LIMCH1: variants seen among roughly 807,000 people sequenced by gnomAD.
The protein encoded by LIMCH1 is LIM and calponin homology domains-containing protein 1.
In LIMCH1, 113 loss-of-function variants were observed where a neutral mutation model predicts 176.5. The observed-to-expected ratio is 0.64, with a 90% CI of 0.55 to 0.75. The LOEUF is 0.75. Ranked by LOEUF, LIMCH1 falls within the 30% of genes least tolerant of loss-of-function variation. LIMCH1 has a pLI of 0.00. For synonymous variants in LIMCH1, 619 were observed against 645.9 expected (o/e 0.96, Z 0.63); for missense variants, 1,674 against 1,814.9 (o/e 0.92, Z 1.41).
chr4:41,553,626 A>G (rs1236233300), intron 1 of LIMCH1, among the ~76,000 whole-genome samples: 1 of 152,050 alleles, frequency 6.6e-6, no homozygotes, highest in Non-Finnish European at 1.5e-5. Flanking sequence ...ATGGTGATTA[A>G]AAGAAAGTGG....
At chr4:41,580,449 A>G (rs906405651) in intron 1 of LIMCH1, among the ~76,000 whole-genome samples, 13 of 152,206 alleles carry the variant, frequency 8.5e-5, no homozygotes, top group Non-Finnish European at 1.6e-4. Context: ...AAAGAAAACC[A>G]AAGAAAATAT....
chr4:41,681,446 C>T (rs1044564790), intron 25 of LIMCH1, among the ~76,000 whole-genome samples: 3 of 152,180 alleles, frequency 2.0e-5, no homozygotes, highest in Admixed American at 6.5e-5. Context: ...ACTATACATT[C>T]TTTTCCATTG....
chr4:41,546,302 C>A (rs2079384019), intron 1 of LIMCH1, among the ~76,000 whole-genome samples: 2 of 152,050 alleles, frequency 1.3e-5, no homozygotes, highest in Admixed American at 6.6e-5. Context: ...CCATGCCCAA[C>A]TAATTTTTGT....
chr4:41,421,595 GAC>G (rs1271879246), intron 1 of LIMCH1, among the ~76,000 whole-genome samples: 1 of 152,112 alleles, frequency 6.6e-6, no homozygotes, highest in Non-Finnish European at 1.5e-5. Context: ...GTTTTGCAAT[GAC>G]CTGATGTTAC....
intron 13 of LIMCH1, among the ~76,000 whole-genome samples, chr4:41,635,774 G>A (rs907020392): frequency 2.6e-5 from 4 of 152,142 alleles, no homozygotes; most frequent in Non-Finnish European, 5.9e-5. Context: ...TTAAGCTAAC[G>A]CTAGTTCATG....
In LIMCH1 at chr4:41,632,808, CG is replaced by C. The variant is rs1435931381; in HGVS notation, c.1663del (p.Glu555SerfsTer76). 6.5e-7 allele frequency: 1 copy of C among 1,536,064 alleles called. No individual in the cohort carries two copies. The highest frequency in any genetic ancestry group is 8.7e-7 in the Non-Finnish European group (1 of 1,146,922). ...CRRASWLAPVPESQEEWVCSL... is the reference protein window; with the variant it reads ...CRRASWLAPVXESQEEWVCSL... ...AGGGCCTCGTGGCTGGCTCCTGTGC[CG>C]GAGTCTCAGGAAGAGTGGGTCTGCA... is the stretch of plus-strand genomic sequence containing the variant. On this transcript the variant is annotated frameshift_variant, in exon 11 of 32. Coordinates refer to ENST00000503057, the MANE Select transcript of LIMCH1 (RefSeq NM_001330672.2). LOFTEE classifies it high-confidence loss of function.
At chr4:41,407,160 G>A (rs549407622) in intron 1 of LIMCH1, among the ~76,000 whole-genome samples, 19 of 151,892 alleles carry the variant, frequency 1.3e-4, no homozygotes, top group Admixed American at 1.2e-3. Context: ...CCTCGTGTTT[G>A]TTCTTGGGAT....
chr4:41,545,811 A>C (rs2079295034), intron 1 of LIMCH1, among the ~76,000 whole-genome samples: 1 of 152,228 alleles, frequency 6.6e-6, no homozygotes, highest in Non-Finnish European at 1.5e-5. Flanking sequence ...GTTGGAAGTC[A>C]AAATATTAAT....
rs190325878 is a variant in LIMCH1 at position 41,590,226 on chromosome 4, G to A, written c.-240-8694G>A. 3.4e-3 allele frequency among the ~76,000 whole-genome samples: 516 copies of A among 152,054 alleles called. 4 individuals are homozygous for A. The highest frequency in any genetic ancestry group is 0.012 in the African/African-American group (481 of 41,480). On this transcript the variant is annotated intron_variant, in intron 1 of 31. Coordinates refer to ENST00000503057, the MANE Select transcript of LIMCH1 (RefSeq NM_001330672.2). The stretch of plus-strand genomic sequence containing the variant: ...TCCCATCTCAGCCTCCCGAGTAGTT[G>A]GGTCTAAGGTGCGCACCACCAGGCC...
chr4:41,537,554 T>C (rs1354558979), upstream of LIMCH1, among the ~76,000 whole-genome samples: 2 of 152,178 alleles, frequency 1.3e-5, no homozygotes, highest in African/African-American at 4.8e-5. Flanking sequence ...AATGCCTCCA[T>C]TTAAATTCAA....
upstream of LIMCH1, chr4:41,360,778 C>T: frequency 7.6e-7 from 1 of 1,315,856 alleles, no homozygotes. The surrounding 1 kb of genome is among the most constrained non-coding windows in gnomAD (Gnocchi z 4.5). Context: ...GAGCGCGCTC[C>T]TGCGGCGGCG....
At chr4:41,429,958 T>A (rs962292027) in intron 1 of LIMCH1, among the ~76,000 whole-genome samples, 1 of 152,140 alleles carries the variant, frequency 6.6e-6, no homozygotes, top group African/African-American at 2.4e-5. Context: ...CATTGGCCAG[T>A]CAATGAAAGG....
At chr4:41,430,828 T>G (rs2061543786) in intron 1 of LIMCH1, among the ~76,000 whole-genome samples, 1 of 152,216 alleles carries the variant, frequency 6.6e-6, no homozygotes, top group Non-Finnish European at 1.5e-5. Flanking sequence ...AACTTTTTTA[T>G]TACATGCTGG....
At chr4:41,576,853 A>G (rs923627233) in intron 1 of LIMCH1, among the ~76,000 whole-genome samples, 3 of 152,196 alleles carry the variant, frequency 2.0e-5, no homozygotes, top group African/African-American at 7.2e-5. Flanking sequence ...TTAAAATATT[A>G]AAATATGGAG....
chr4:41,631,627 T>C, intron 10 of LIMCH1, 150 bp downstream of exon 10: 3 of 629,406 alleles, frequency 4.8e-6, no homozygotes, highest in Non-Finnish European at 5.1e-6. Flanking sequence ...CGGGTCCCCC[T>C]GCGGGGAACA....
At chr4:41,613,722 G>A in intron 5 of LIMCH1, 61 bp downstream of exon 5, 1 of 1,458,000 alleles carries the variant, frequency 6.9e-7, no homozygotes, top group Non-Finnish European at 9.6e-7. Flanking sequence ...GGGCTGCATT[G>A]CGCCTGGCAG....
intron 1 of LIMCH1, among the ~76,000 whole-genome samples, chr4:41,431,545 A>G (rs1025553353): frequency 6.6e-6 from 1 of 152,222 alleles, no homozygotes; most frequent in Non-Finnish European, 1.5e-5. Context: ...ATTACATTTT[A>G]TCTCATGGGA....
chr4:41,676,349 C>T (rs993358186), intron 22 of LIMCH1, 33 bp from the exon 23 acceptor site: 6 of 1,581,598 alleles, frequency 3.8e-6, no homozygotes, highest in Non-Finnish European at 5.2e-6. Context: ...GGACATGGCT[C>T]AATTCTGATC....
chr4:41,377,204 C>G (rs1030524299), intron 1 of LIMCH1, among the ~76,000 whole-genome samples: 33 of 152,166 alleles, frequency 2.2e-4, no homozygotes, highest in Admixed American at 1.2e-3. Flanking sequence ...GCACTTGGCT[C>G]AAGGCTGTGG....
Sources: allele counts gnomAD v4.1 joint callset (sites outside exome capture counted in the v4.1 genomes callset), GRCh38; gene constraint gnomAD v4.1.1; non-coding constraint Gnocchi (gnomAD v3.1); transcripts MANE v1.5; gene names NCBI Gene and HGNC (gene_info 2026-07-23, HGNC 2026-07-21).